The following MCTP2 variants were observed in gnomAD, a reference collection of about 807,000 sequenced individuals.
The protein encoded by MCTP2 is multiple C2 and transmembrane domain containing 2, also known as multiple C2 and transmembrane domain-containing protein 2.
In MCTP2, 132 loss-of-function variants were observed where a neutral mutation model predicts 111.6. The observed-to-expected ratio is 1.18, with a 90% CI of 1.03 to 1.37. The LOEUF (loss-of-function observed/expected upper bound fraction) is 1.37, where lower values mean the gene tolerates loss of function less well. Among genes scored for constraint, MCTP2 ranks in the 40% most tolerant of loss-of-function variants. The pLI is 0.00. For missense variants in MCTP2, 1,183 were observed against 1,067.9 expected, an observed-to-expected ratio of 1.11 and a Z score of -1.50; for synonymous variants, 395 against 387.7, an observed-to-expected ratio of 1.02 and a Z score of -0.22.
intron 4 of MCTP2, among the ~76,000 whole-genome samples, chr15:94,331,863 C>T (rs1452786769): frequency 1.3e-5 from 2 of 152,132 alleles, no homozygotes; most frequent in Non-Finnish European, 2.9e-5. Context: ...TCAGAGTGTG[C>T]TAAATGGCAA....
At chr15:94,281,422 A>G (rs1185669405) in intron 1 of MCTP2, among the ~76,000 whole-genome samples, 1 of 152,112 alleles carries the variant, frequency 6.6e-6, no homozygotes, top group East Asian at 1.9e-4. Flanking sequence ...GATCTTTCTC[A>G]ATCCCTTTAC....
At chr15:94,235,134 C>T (rs1269234465) in intron 1 of MCTP2, among the ~76,000 whole-genome samples, 3 of 151,984 alleles carry the variant, frequency 2.0e-5, no homozygotes, top group Non-Finnish European at 2.9e-5. Context: ...GCCTATAATC[C>T]TAGGTAATTG....
At chr15:94,262,488 T>G (rs1275423717) in intron 1 of MCTP2, among the ~76,000 whole-genome samples, 1 of 152,182 alleles carries the variant, frequency 6.6e-6, no homozygotes, top group East Asian at 1.9e-4. Context: ...AATCTAACAG[T>G]GATTGCAAGA....
At chr15:94,306,954 T>G (rs1438259452) in intron 2 of MCTP2, among the ~76,000 whole-genome samples, 1 of 152,174 alleles carries the variant, frequency 6.6e-6, no homozygotes, top group Admixed American at 6.5e-5. Flanking sequence ...TTCTCTACAC[T>G]TCAATGACGT....
intron 20 of MCTP2, 96 bp from the exon 21 acceptor site, chr15:94,470,237 T>C: frequency 1.0e-6 from 1 of 970,346 alleles, no homozygotes; most frequent in Middle Eastern, 2.2e-4. Context: ...GTAAAAAAAA[T>C]TTCTATAATT....
At chr15:94,265,506 A>G (rs113265361) in intron 1 of MCTP2, among the ~76,000 whole-genome samples, 413 of 152,286 alleles carry the variant, frequency 2.7e-3, no homozygotes, top group Middle Eastern at 6.8e-3. Flanking sequence ...TAGATTATAT[A>G]TACATAGTTC....
intron 1 of MCTP2, among the ~76,000 whole-genome samples, chr15:94,277,446 G>A (rs2074270757): frequency 6.6e-6 from 1 of 152,046 alleles, no homozygotes; most frequent in South Asian, 2.1e-4. Flanking sequence ...GTAGTCAAAT[G>A]GATAAACTAT....
chr15:94,268,184 CTT>C (rs370731655), intron 1 of MCTP2, among the ~76,000 whole-genome samples: 10 of 132,240 alleles, frequency 7.6e-5, no homozygotes, highest in Non-Finnish European at 7.9e-5. Flanking sequence ...TTCTTTCTTT[CTT>C]TTTTTTTTTT....
chr15:94,390,074 A>ATGTATATATATACG (rs1329165239), intron 14 of MCTP2, among the ~76,000 whole-genome samples: 1 of 25,854 alleles, frequency 3.9e-5, no homozygotes, highest in Non-Finnish European at 9.1e-5. Flanking sequence ...ATATATATAT[A>ATGTATATATATACG]TATATATATA....
In MCTP2 at chr15:94,479,021, G is replaced by T. The variant is rs529691316; in HGVS notation, c.2624G>T (p.Arg875Leu). 2 of 1,614,048 alleles carry T rather than the reference G, an allele frequency of 1.2e-6. No individual in the cohort carries two copies. Among genetic ancestry groups the T allele is most frequent in the Admixed American group, 3.3e-5 (2 of 60,020 alleles). ...CSSHSPLRKK[R>L]SAL is the part of the protein sequence containing the mutation. The stretch of plus-strand genomic sequence containing the variant: ...AGCCACAGCCCCCTGCGGAAGAAGC[G>T]CAGCGCTCTCTAGGGCACACACCGA... Residue 875 changes from arginine to leucine, a missense_variant, in exon 23 of 23, where the codon CGC becomes CTC. Coordinates refer to ENST00000357742, the MANE Select transcript of MCTP2 (RefSeq NM_001385001.1).
chr15:94,380,779 AGG>A (rs148653245), intron 12 of MCTP2, among the ~76,000 whole-genome samples: 1 of 151,768 alleles, frequency 6.6e-6, no homozygotes, highest in Non-Finnish European at 1.5e-5. Context: ...AAAAAAAAAA[AGG>A]GGGGGTTATC....
Position 94,481,232 on chromosome 15 carries a change from T to G in MCTP2, c.*2198T>G, listed in dbSNP as rs2074709237. The G allele has an allele frequency of 6.6e-6, 1 of 152,204 alleles. No homozygotes were observed. The highest frequency in any genetic ancestry group is 2.4e-5 in the African/African-American group (1 of 41,462). 9.4% of individuals were successfully genotyped at this position (152,204 alleles called of 1,614,324 possible). ...CCTGTCTCTCTATCTTACAGGCATC[T>G]ACACCTCAGCAAGTCAGAAACTAAA... On this transcript the variant is annotated 3_prime_UTR_variant, in exon 23 of 23. Coordinates refer to ENST00000357742, the MANE Select transcript of MCTP2 (RefSeq NM_001385001.1).
In MCTP2 at chr15:94,302,823, C is replaced by T. The variant is rs930071097; in HGVS notation, c.465+4093C>T. On this transcript the variant is annotated intron_variant, in intron 2 of 22. Coordinates refer to ENST00000357742, the MANE Select transcript of MCTP2 (RefSeq NM_001385001.1). Reference sequence around the variant, plus strand: ...TCTCACATGTTTCCTCCTCTCTTACCTATCATATTAGTCCATTTTCATGCT... The same window carrying T: ...TCTCACATGTTTCCTCCTCTCTTACTTATCATATTAGTCCATTTTCATGCT... 5.3e-5 allele frequency among the ~76,000 whole-genome samples: 8 copies of T among 151,954 alleles called. No individual in the cohort carries two copies. The East Asian group carries it at 9.6e-4, about 18-fold the overall frequency.
At chr15:94,435,883 G>C (rs1277717474) in intron 17 of MCTP2, among the ~76,000 whole-genome samples, 1 of 151,528 alleles carries the variant, frequency 6.6e-6, no homozygotes, top group Non-Finnish European at 1.5e-5. Context: ...CGCCCGCCTC[G>C]GCCTCCCAAA....
Position 94,339,431 on chromosome 15 carries a change from A to G in MCTP2, c.779A>G (p.Lys260Arg). The change falls in exon 5 of 23, where the codon AAG becomes AGG. Residue 260 changes from lysine (K) to arginine (R), a missense_variant and splice_region_variant. Physicochemically the swap from Lys to Arg is conservative, Grantham distance 26. Coordinates refer to ENST00000357742, the MANE Select transcript of MCTP2 (RefSeq NM_001385001.1). ...IQSLDQKLRV[K>R]VYDRDLTTSD... ...AGCCTTGATCAAAAGCTACGTGTGA[A>G]GGTAATCACAGATAGCTTTCAAATC... 1 of 1,586,058 alleles carries G rather than the reference A, an allele frequency of 6.3e-7. No individual in the cohort carries two copies. The highest frequency in any genetic ancestry group is 8.6e-7 in the Non-Finnish European group (1 of 1,168,966).
At chr15:94,268,754 A>C (rs2073742934) in intron 1 of MCTP2, among the ~76,000 whole-genome samples, 1 of 148,318 alleles carries the variant, frequency 6.7e-6, no homozygotes, top group Admixed American at 6.8e-5. Flanking sequence ...ACTAGTAGAT[A>C]CTCAGGTAAC....
intron 17 of MCTP2, among the ~76,000 whole-genome samples, chr15:94,437,461 T>A (rs999849656): frequency 1.3e-5 from 2 of 151,816 alleles, no homozygotes; most frequent in Non-Finnish European, 2.9e-5. Context: ...TTAAAAAAAA[T>A]GAAACATGGA....
intron 12 of MCTP2, among the ~76,000 whole-genome samples, chr15:94,374,387 G>A (rs1478894341): frequency 6.6e-6 from 1 of 152,204 alleles, no homozygotes; most frequent in Admixed American, 6.5e-5. Context: ...CAGCACATGT[G>A]TGCAGATTAT....
chr15:94,483,125 A>C lies in MCTP2; in HGVS notation c.*4091A>C, dbSNP rs1235372601. ...GAAAGGAGATATTTGGGATTATTTTAGTAAGAAAACAGAGGTGTCATGACC... is the reference window on the plus strand; with the variant it reads ...GAAAGGAGATATTTGGGATTATTTTCGTAAGAAAACAGAGGTGTCATGACC... On this transcript the variant is annotated 3_prime_UTR_variant, in exon 23 of 23. Transcript: ENST00000357742. 1 of 152,248 alleles carries C rather than the reference A, an allele frequency of 6.6e-6. No individual in the cohort carries two copies. Among genetic ancestry groups the C allele is most frequent in the Non-Finnish European group, 1.5e-5 (1 of 68,056 alleles). 9.4% of individuals were successfully genotyped at this position (152,248 alleles called of 1,614,324 possible). A position where few individuals can be genotyped will look rare whatever the true frequency, so the allele number is the denominator to read the frequency against.
Sources: allele counts gnomAD v4.1 joint callset (sites outside exome capture counted in the v4.1 genomes callset), GRCh38; gene constraint gnomAD v4.1.1; transcripts MANE v1.5; gene names NCBI Gene and HGNC (gene_info 2026-07-23, HGNC 2026-07-21).